Variants in ZNF75D observed in about 807,000 individuals in gnomAD.
ZNF75D encodes the protein zinc finger protein 75.
ZNF75D carries 33 observed loss-of-function variants against 33.3 expected under a neutral mutation model. The observed-to-expected ratio is 0.99, with a 90% CI of 0.75 to 1.32. ZNF75D has a LOEUF of 1.32. ZNF75D is among the 40% of genes most tolerant of loss of function. The pLI, the probability that ZNF75D is intolerant of heterozygous loss-of-function variation, is 0.00. For synonymous variants in ZNF75D, 113 were observed against 130.6 expected (o/e 0.87, Z 0.92); for missense variants, 338 against 367.5 (o/e 0.92, Z 0.66).
intron 1 of ZNF75D, among the ~76,000 whole-genome samples, chrX:135,265,817 C>T (rs1185055706): frequency 9.0e-6 from 1 of 111,726 alleles, no homozygotes; most frequent in African/African-American, 3.3e-5. Flanking sequence ...ACATAGACTA[C>T]TATAGCACCG....
chrX:135,291,778 T>A (rs1466349756), intron 4 of ZNF75D, among the ~76,000 whole-genome samples: 1 of 112,274 alleles, frequency 8.9e-6, no homozygotes, highest in Admixed American at 9.4e-5. Context: ...ACTCTTTAGA[T>A]TTCATAAAAG....
At chrX:135,318,592 TAATA>T (rs1310612395) in intron 1 of ZNF75D, among the ~76,000 whole-genome samples, 1 of 111,892 alleles carries the variant, frequency 8.9e-6, no homozygotes, top group East Asian at 2.8e-4. Flanking sequence ...TTAATTGGTT[TAATA>T]TATATTCATT....
chrX:135,278,412 A>G lies in ZNF75D; in HGVS notation n.828-22635T>C, dbSNP rs782061391. ...GCTGAGAGGATGGGGTTTTTAAAAT[A>G]TACAATCATATCATCTGCAAACAGA... On this transcript the variant is annotated intron_variant and non_coding_transcript_variant, in intron 1 of 3. Transcript: ENST00000494295. 2.7e-5 allele frequency among the ~76,000 whole-genome samples: 3 copies of G among 112,108 alleles called. No homozygotes were observed. In the South Asian group the frequency reaches 1.1e-3, roughly 42 times the overall value.
rs1569488421 is a variant in ZNF75D at position 135,287,588 on chromosome X, C to T, written c.1082G>A (p.Gly361Glu). ...LMDLHGKGPTGEKPFKCQECG... is the reference protein window; with the variant it reads ...LMDLHGKGPTEEKPFKCQECG... ...TTCCTGACACTTAAAAGGTTTCTCC[C>T]CTGTGGGGCCTTTCCCATGAAGATC... The change falls in exon 7 of 7, where the codon GGG becomes GAG. Residue 361 changes from glycine to glutamate, a missense_variant. Transcript: ENST00000370766. 8.3e-7 allele frequency: 1 copy of T among 1,211,176 alleles called. No homozygotes were observed.
At chrX:135,249,102 C>G (rs1556413414) in exon 4 of ZNF75D, 1 of 324,070 alleles carries the variant, frequency 3.1e-6, no homozygotes, top group African/African-American at 2.7e-5. Context: ...CTGTCAGATC[C>G]GCATCGTTTC....
intron 1 of ZNF75D, among the ~76,000 whole-genome samples, chrX:135,279,668 G>C (rs1162519981): frequency 2.7e-5 from 3 of 111,827 alleles, no homozygotes; most frequent in African/African-American, 9.8e-5. Context: ...CTGTGTCCCA[G>C]AGATTCTGGT....
chrX:135,272,679 T>C (rs1457733212), intron 1 of ZNF75D, among the ~76,000 whole-genome samples: 1 of 110,888 alleles, frequency 9.0e-6, no homozygotes, highest in Non-Finnish European at 1.9e-5. Context: ...ACTAGAGAAG[T>C]GAGGCAGGAG....
intron 1 of ZNF75D, among the ~76,000 whole-genome samples, chrX:135,271,646 ACCT>A (rs1197481995): frequency 9.0e-6 from 1 of 111,727 alleles, no homozygotes; most frequent in Non-Finnish European, 1.9e-5. Flanking sequence ...TGTTCTGGTC[ACCT>A]CCTATTCACC....
intron 1 of ZNF75D, among the ~76,000 whole-genome samples, chrX:135,256,780 A>G (rs1225491948): frequency 8.9e-6 from 1 of 111,972 alleles, no homozygotes; most frequent in Non-Finnish European, 1.9e-5. Context: ...AGTCCTTTAT[A>G]GCAGTATAAA....
intron 1 of ZNF75D, among the ~76,000 whole-genome samples, chrX:135,332,511 G>A (rs1163374104): frequency 9.0e-6 from 1 of 111,486 alleles, no homozygotes; most frequent in Admixed American, 9.5e-5. Flanking sequence ...AAACCCGGAT[G>A]TGAGCCCTCT....
downstream of ZNF75D, among the ~76,000 whole-genome samples, chrX:135,282,977 A>G (rs1262368663): frequency 1.9e-5 from 2 of 106,010 alleles, no homozygotes; most frequent in Admixed American, 9.8e-5. Context: ...TGGTCAACTA[A>G]TCATCCCAAG....
At chrX:135,258,266 G>A (rs2083818205) in intron 1 of ZNF75D, among the ~76,000 whole-genome samples, 1 of 108,659 alleles carries the variant, frequency 9.2e-6, no homozygotes, top group Non-Finnish European at 1.9e-5. Context: ...ACGTGTGCAT[G>A]TGTCTTTATA....
At chrX:135,324,329 C>A (rs948307664) in intron 1 of ZNF75D, among the ~76,000 whole-genome samples, 5 of 111,925 alleles carry the variant, frequency 4.5e-5, no homozygotes. Flanking sequence ...TGTTCTTAAT[C>A]CAGGCCAGGT....
intron 1 of ZNF75D, among the ~76,000 whole-genome samples, chrX:135,333,577 T>G (rs938346727): frequency 8.9e-6 from 1 of 112,137 alleles, no homozygotes; most frequent in African/African-American, 3.2e-5. Context: ...TTAGCCCTTA[T>G]ATTATCATAG....
intron 1 of ZNF75D, among the ~76,000 whole-genome samples, chrX:135,331,400 A>G (rs2084649615): frequency 9.1e-6 from 1 of 110,177 alleles, no homozygotes; most frequent in African/African-American, 3.3e-5. Context: ...CTTCCAGGAA[A>G]AAAAAGCTAA....
intron 1 of ZNF75D, among the ~76,000 whole-genome samples, chrX:135,257,984 C>T (rs2083814719): frequency 9.2e-6 from 1 of 108,673 alleles, no homozygotes; most frequent in South Asian, 4.0e-4. Flanking sequence ...CCCAACAGGC[C>T]CTGGTGTGTG....
At chrX:135,259,567 G>C (rs1404958194) in intron 1 of ZNF75D, among the ~76,000 whole-genome samples, 1 of 111,358 alleles carries the variant, frequency 9.0e-6, no homozygotes, top group Non-Finnish European at 1.9e-5. Context: ...ATTGTGAATG[G>C]GGGTTCATTC....
At chrX:135,321,071 T>G (rs1439137370) in intron 1 of ZNF75D, among the ~76,000 whole-genome samples, 1 of 112,072 alleles carries the variant, frequency 8.9e-6, no homozygotes, top group East Asian at 2.8e-4. Flanking sequence ...TGACACCTGG[T>G]CTGGTGAGGG....
chrX:135,270,282 C>G (rs2083877560), intron 1 of ZNF75D, among the ~76,000 whole-genome samples: 1 of 100,223 alleles, frequency 1.0e-5, no homozygotes, highest in Non-Finnish European at 2.0e-5. Context: ...AGAATAAATT[C>G]TTGAGGAGAT....
Sources: gnomAD v4.1 joint callset for allele counts (sites outside exome capture counted in the v4.1 genomes callset) on GRCh38, gnomAD v4.1.1 for gene constraint, MANE v1.5 for transcripts, NCBI Gene and HGNC (gene_info 2026-07-23, HGNC 2026-07-21) for gene names.